The following DLG2 variants were observed in gnomAD, a reference collection of about 807,000 sequenced individuals.
DLG2 encodes discs large MAGUK scaffold protein 2, also known as disks large homolog 2.
DLG2 carries 45 observed loss-of-function variants against 132.5 expected under a neutral mutation model. The observed-to-expected ratio is 0.34, with a 90% CI of 0.27 to 0.44. The LOEUF is 0.44. Ranked by LOEUF, DLG2 falls within the 20% of genes least tolerant of loss-of-function variation. The probability of loss-of-function intolerance (pLI) is 1.00; values close to 1 mark genes in which losing one functional copy is unlikely to be tolerated. For synonymous variants in DLG2, 424 were observed against 419.6 expected, an observed-to-expected ratio of 1.01 and a Z score of -0.13; for missense variants, 1,045 against 1,196.9, an observed-to-expected ratio of 0.87 and a Z score of 1.87.
chr11:84,732,431 T>C (rs922335069), intron 6 of DLG2, among the ~76,000 whole-genome samples: 1 of 152,044 alleles, frequency 6.6e-6, no homozygotes. Context: ...TCACCTGGTA[T>C]TGTCAATCAT....
chr11:84,956,814 T>G (rs1220511526), intron 6 of DLG2, among the ~76,000 whole-genome samples: 1 of 152,204 alleles, frequency 6.6e-6, no homozygotes, highest in African/African-American at 2.4e-5. Context: ...TGCTACCATG[T>G]GAAGTATATG....
intron 6 of DLG2, among the ~76,000 whole-genome samples, chr11:84,555,441 A>G (rs1463243888): frequency 7.0e-6 from 1 of 142,088 alleles, no homozygotes; most frequent in Non-Finnish European, 1.6e-5. Flanking sequence ...AGAAATATCC[A>G]TATATACACA....
At chr11:84,978,025 G>C (rs866479577) in intron 6 of DLG2, among the ~76,000 whole-genome samples, 3 of 152,088 alleles carry the variant, frequency 2.0e-5, no homozygotes, top group South Asian at 2.1e-4. Context: ...TCTAAACTTT[G>C]AGTTGGTAAA....
chr11:84,547,941 A>T (rs1265155156), intron 6 of DLG2, among the ~76,000 whole-genome samples: 1 of 152,216 alleles, frequency 6.6e-6, no homozygotes, highest in African/African-American at 2.4e-5. Flanking sequence ...GAAGCCTGTC[A>T]CTATTCTACA....
chr11:84,640,568 T>C lies in DLG2; in HGVS notation c.358-105837A>G. ...CAGTTCTGCAGGATGATGAATAAGGTCTAAGAGTTGCCCAGCTACAGAAAC... is the reference window on the plus strand; with the variant it reads ...CAGTTCTGCAGGATGATGAATAAGGCCTAAGAGTTGCCCAGCTACAGAAAC... On this transcript the variant is annotated intron_variant, in intron 6 of 27. Transcript: ENST00000376104. 7.1e-6 allele frequency: 2 copies of C among 282,648 alleles called. 1 individual carries two copies. Among genetic ancestry groups the C allele is most frequent in the Middle Eastern group, 2.5e-3 (2 of 812 alleles). The allele number at this position is 282,648 out of a possible 1,614,324, so 17.5% of individuals were successfully genotyped here.
intron 6 of DLG2, among the ~76,000 whole-genome samples, chr11:84,834,044 T>C (rs1280990803): frequency 6.6e-6 from 1 of 151,676 alleles, no homozygotes; most frequent in Non-Finnish European, 1.5e-5. Flanking sequence ...AAATAATAAA[T>C]ACACTTCTCT....
At chr11:83,906,427 C>T (rs1016055030) in intron 15 of DLG2, among the ~76,000 whole-genome samples, 2 of 151,834 alleles carry the variant, frequency 1.3e-5, no homozygotes, top group East Asian at 1.9e-4. Context: ...TAGGGGAGCA[C>T]GGAAGTATAA....
chr11:84,884,785 G>A (rs1232784902), intron 6 of DLG2, among the ~76,000 whole-genome samples: 3 of 151,894 alleles, frequency 2.0e-5, no homozygotes, highest in Non-Finnish European at 4.4e-5. Context: ...GTTACTTGTG[G>A]CCAACCATGG....
intron 7 of DLG2, among the ~76,000 whole-genome samples, chr11:84,293,672 G>A (rs762113769): frequency 5.3e-5 from 8 of 151,996 alleles, no homozygotes; most frequent in South Asian, 2.1e-4. Context: ...GTGAGACTCC[G>A]TCTCAAAAAA....
At chr11:85,013,757 G>A (rs1193677733) in intron 6 of DLG2, among the ~76,000 whole-genome samples, 1 of 152,120 alleles carries the variant, frequency 6.6e-6, no homozygotes, top group Non-Finnish European at 1.5e-5. Flanking sequence ...CAAGTTGCAT[G>A]TAAAATTCTT....
chr11:85,191,630 T>C (rs984917748), intron 4 of DLG2, among the ~76,000 whole-genome samples: 7 of 152,194 alleles, frequency 4.6e-5, no homozygotes, highest in Admixed American at 4.6e-4. Flanking sequence ...TGACAGCAAA[T>C]TGCTTCAAAG....
intron 15 of DLG2, among the ~76,000 whole-genome samples, chr11:83,914,403 A>G (rs2076579480): frequency 6.6e-6 from 1 of 152,166 alleles, no homozygotes; most frequent in Non-Finnish European, 1.5e-5. Flanking sequence ...TTATCCAGCT[A>G]CAGGTGTTCC....
At chr11:84,991,508 CAAAAA>C (rs760113916) in intron 6 of DLG2, among the ~76,000 whole-genome samples, 4 of 108,738 alleles carry the variant, frequency 3.7e-5, no homozygotes, top group Non-Finnish European at 7.8e-5. Context: ...GACACCTTCT[CAAAAA>C]AAAAAAAAAA....
intron 6 of DLG2, among the ~76,000 whole-genome samples, chr11:85,102,981 A>T (rs558607322): frequency 6.6e-6 from 1 of 152,140 alleles, no homozygotes; most frequent in East Asian, 1.9e-4. Flanking sequence ...TAGAATGACC[A>T]ATGTAAAAGT....
intron 6 of DLG2, among the ~76,000 whole-genome samples, chr11:84,536,494 T>G (rs1023735859): frequency 6.6e-6 from 1 of 152,222 alleles, no homozygotes; most frequent in Admixed American, 6.5e-5. Context: ...CTTTTGTTTA[T>G]CTAACCTTAT....
chr11:84,088,765 G>GA lies in DLG2; in HGVS notation c.749+10157dup, dbSNP rs1204366709. Among the ~76,000 whole-genome samples, 3 of 152,186 alleles carry GA rather than the reference G, an allele frequency of 2.0e-5. No homozygotes were observed. In the East Asian group the frequency reaches 5.8e-4, roughly 29 times the overall value. On this transcript the variant is annotated intron_variant, in intron 10 of 27. Transcript: ENST00000376104. ...CTTTTCACTTTTGTTGGGAGAGATG[G>GA]AAAAAATAATCCTTAAGAATGAGTC...
intron 6 of DLG2, among the ~76,000 whole-genome samples, chr11:85,007,294 G>C (rs577763013): frequency 6.6e-6 from 1 of 152,276 alleles, no homozygotes; most frequent in African/African-American, 2.4e-5. Context: ...AAATGACCTA[G>C]ATAAAAGAGA....
intron 6 of DLG2, among the ~76,000 whole-genome samples, chr11:84,922,268 TTCTC>T: frequency 6.6e-6 from 1 of 152,208 alleles, no homozygotes; most frequent in East Asian, 1.9e-4. Context: ...TTGGACTTCT[TTCTC>T]CAAGAAATGT....
intron 7 of DLG2, among the ~76,000 whole-genome samples, chr11:84,416,564 T>G (rs570007118): frequency 6.6e-6 from 1 of 152,306 alleles, no homozygotes; most frequent in South Asian, 2.1e-4. Context: ...GAAGGCAATA[T>G]CACCTAACGA....
Sources: gnomAD v4.1 joint callset for allele counts (sites outside exome capture counted in the v4.1 genomes callset) on GRCh38, gnomAD v4.1.1 for gene constraint, MANE v1.5 for transcripts, NCBI Gene and HGNC (gene_info 2026-07-23, HGNC 2026-07-21) for gene names.